The following PDE6B variants were observed in gnomAD, a reference collection of about 807,000 sequenced individuals.
PDE6B encodes rod cGMP-specific 3',5'-cyclic phosphodiesterase subunit beta.
PDE6B carries 106 observed loss-of-function variants against 109.0 expected under a neutral mutation model. The observed-to-expected ratio is 0.97, with a 90% CI of 0.83 to 1.14. PDE6B has a LOEUF of 1.14. Among genes scored for constraint, PDE6B ranks in the 50% most tolerant of loss-of-function variants. The probability of loss-of-function intolerance (pLI) is 0.00; values close to 1 mark genes in which losing one functional copy is unlikely to be tolerated. For missense variants in PDE6B, 1,193 were observed against 1,155.6 expected (o/e 1.03, Z -0.47); for synonymous variants, 490 against 471.3 (o/e 1.04, Z -0.51).
rs1736915385 is a variant in PDE6B, at chr4:660,351, C to T, written c.1468-116C>T. On this transcript the variant is annotated intron_variant, in intron 11 of 21. Coordinates refer to ENST00000496514, the MANE Select transcript of PDE6B (RefSeq NM_000283.4). Reference sequence around the variant, plus strand: ...TGGAGCGCCAGGAATGACACATCTCCTCAGAGATGCCTGAGGTGTCTGAGG... The same window carrying T: ...TGGAGCGCCAGGAATGACACATCTCTTCAGAGATGCCTGAGGTGTCTGAGG... The T allele has an allele frequency of 2.8e-6, 3 of 1,066,410 alleles. No homozygotes were observed. The East Asian group carries it at 7.1e-5, about 25-fold the overall frequency. 66.1% of individuals were successfully genotyped at this position (1,066,410 alleles called of 1,614,324 possible).
In PDE6B at chr4:666,677, C is replaced by G; in HGVS notation, c.2352+63C>G. The G allele has an allele frequency of 8.8e-7, 1 of 1,135,652 alleles. No individual in the cohort carries two copies. Among genetic ancestry groups the G allele is most frequent in the Non-Finnish European group, 1.3e-6 (1 of 745,274 alleles). 70.3% of individuals were successfully genotyped at this position (1,135,652 alleles called of 1,614,324 possible). A position where few individuals can be genotyped will look rare whatever the true frequency, so the allele number is the denominator to read the frequency against. On this transcript the variant is annotated intron_variant, in intron 20 of 21. Transcript: ENST00000496514. This position sits in a 1 kb window ranked among gnomAD's most constrained non-coding sequence, Gnocchi z 5.6. ...GGGTGGCTGGGAGCAGGCAAGGGGGCGCGGGCTGGAGTCGCGTGGACTCAC... is the reference window on the plus strand; with the variant it reads ...GGGTGGCTGGGAGCAGGCAAGGGGGGGCGGGCTGGAGTCGCGTGGACTCAC...
chr4:666,621 G>A lies in PDE6B; in HGVS notation c.2352+7G>A, dbSNP rs757618074. 6.3e-7 allele frequency: 1 copy of A among 1,594,724 alleles called. No individual in the cohort carries two copies. Among genetic ancestry groups the A allele is most frequent in the Non-Finnish European group, 8.6e-7 (1 of 1,162,616 alleles). ...GTGCACATTCGTGTACAAGGCGAGT[G>A]GTTCACGGGTGTTCCGAGCTGACTG... On this transcript the variant is annotated splice_region_variant and intron_variant, in intron 20 of 21. Coordinates refer to ENST00000496514, the MANE Select transcript of PDE6B (RefSeq NM_000283.4). The surrounding 1 kb of genome is among the most constrained non-coding windows in gnomAD (Gnocchi z 5.6).
chr4:630,355 G>T (rs1436110155), intron 1 of PDE6B, among the ~76,000 whole-genome samples: 1 of 152,170 alleles, frequency 6.6e-6, no homozygotes, highest in African/African-American at 2.4e-5. Context: ...GCACCAGCCA[G>T]GCTGGGACCA....
chr4:637,820 C>T (rs759710220), intron 3 of PDE6B, among the ~76,000 whole-genome samples: 1 of 152,226 alleles, frequency 6.6e-6, no homozygotes, highest in Non-Finnish European at 1.5e-5. Context: ...TGGTCCACGA[C>T]AGCGCGACAC....
Position 634,827 on chromosome 4 carries a change from G to C in PDE6B, c.619G>C (p.Asp207His), listed in dbSNP as rs1734567049. 6.2e-7 allele frequency: 1 copy of C among 1,613,898 alleles called. No homozygotes were observed. Among genetic ancestry groups the C allele is most frequent in the East Asian group, 2.2e-5 (1 of 44,874 alleles). ...NGPFFTSEDE[D>H]VFLKYLNFAT... ...CCCATTCTTCACCAGCGAAGACGAA[G>C]ATGTGAGTGTGGGGGGCACCTGGGC... Residue 207 changes from aspartate to histidine, a missense_variant and splice_region_variant, in exon 2 of 22, where the codon GAT becomes CAT. Physicochemically the swap from Asp to His is moderately conservative, Grantham distance 81. Coordinates refer to ENST00000496514, the MANE Select transcript of PDE6B (RefSeq NM_000283.4).
At position 663,226 on chromosome 4, in the gene PDE6B, GGGACGCAGCGTCCGCA is replaced by G. The variant is rs773147670; in HGVS notation, c.1920+45_1920+60del. The stretch of plus-strand genomic sequence containing the variant: ...CCCTCGGTTTCTGCTGTGGGCGCTG[GGGACGCAGCGTCCGCA>G]GGACGGCAGGGCCGTATCCTGCGGA... On this transcript the variant is annotated intron_variant, in intron 15 of 21. Coordinates refer to ENST00000496514, the MANE Select transcript of PDE6B (RefSeq NM_000283.4). This position sits in a 1 kb window ranked among gnomAD's most constrained non-coding sequence, Gnocchi z 4.0. The G allele has an allele frequency of 8.9e-7, 1 of 1,128,166 alleles. No homozygotes were observed. The highest frequency in any genetic ancestry group is 1.4e-6 in the Non-Finnish European group (1 of 736,448). The allele number at this position is 1,128,166 out of a possible 1,614,324, so 69.9% of individuals were successfully genotyped here.
chr4:665,330 G>T lies in PDE6B; in HGVS notation c.2268+1G>T. The T allele has an allele frequency of 6.2e-7, 1 of 1,602,150 alleles. No homozygotes were observed. The highest frequency in any genetic ancestry group is 8.5e-7 in the Non-Finnish European group (1 of 1,169,948). ...GACAGTCTTGGATCAGCAGCCCATT[G>T]TGAGTGCTGCTTCTGGAACCTTCCA... is the stretch of plus-strand genomic sequence containing the variant. On this transcript the variant is annotated splice_donor_variant, in intron 19 of 21. Transcript: ENST00000496514. LOFTEE classifies it high-confidence loss of function. This position sits in a 1 kb window ranked among gnomAD's most constrained non-coding sequence, Gnocchi z 4.0.
At chr4:664,731 G>A (rs974216718) in intron 17 of PDE6B, 150 bp from the exon 18 acceptor site, 9 of 738,066 alleles carry the variant, frequency 1.2e-5, no homozygotes, top group African/African-American at 1.0e-4. Context: ...CACAAGAATC[G>A]GGAGGCGGAG....
At chr4:667,471 G>A (rs1483357059) in intron 20 of PDE6B, among the ~76,000 whole-genome samples, 1 of 152,196 alleles carries the variant, frequency 6.6e-6, no homozygotes, top group Non-Finnish European at 1.5e-5. Context: ...CGTGTGCTGT[G>A]CTTGCATGAT....
chr4:631,797 G>A (rs1734399002), intron 1 of PDE6B, among the ~76,000 whole-genome samples: 1 of 147,744 alleles, frequency 6.8e-6, no homozygotes, highest in Non-Finnish European at 1.5e-5. Flanking sequence ...TTGTGTGTGG[G>A]ACCATCAAAG....
rs773993395 is a variant in PDE6B at position 662,101 on chromosome 4, C to G, written c.1615-33C>G. 9.2e-7 allele frequency: 1 copy of G among 1,087,458 alleles called. No individual in the cohort carries two copies. 67.4% of individuals were successfully genotyped at this position (1,087,458 alleles called of 1,614,324 possible). ...GCTCTGGCGGGACTTACACGCTTGCCGCCGGAGCCCTGTGTCCTCTCGGCT... is the reference window on the plus strand; with the variant it reads ...GCTCTGGCGGGACTTACACGCTTGCGGCCGGAGCCCTGTGTCCTCTCGGCT... On this transcript the variant is annotated intron_variant, in intron 12 of 21. Transcript: ENST00000496514. This position sits in a 1 kb window ranked among gnomAD's most constrained non-coding sequence, Gnocchi z 4.3.
rs768151222 is a variant in PDE6B at position 665,952 on chromosome 4, A to T, written c.2269-579A>T. Among the ~76,000 whole-genome samples the T allele has an allele frequency of 2.0e-5, 3 of 152,122 alleles. No individual in the cohort carries two copies. Among genetic ancestry groups the T allele is most frequent in the Non-Finnish European group, 4.4e-5 (3 of 68,004 alleles). On this transcript the variant is annotated intron_variant, in intron 19 of 21. Transcript: ENST00000496514. The surrounding 1 kb of genome is among the most constrained non-coding windows in gnomAD (Gnocchi z 4.0). ...TTAGGCCAGGTGCAGCCTCGGCAGG[A>T]AAGGGGGCATTGGTTGGTCAGCAAA...
Position 666,678 on chromosome 4 carries a change from G to A in PDE6B, c.2352+64G>A, listed in dbSNP as rs1281202837. ...GGTGGCTGGGAGCAGGCAAGGGGGC[G>A]CGGGCTGGAGTCGCGTGGACTCACA... On this transcript the variant is annotated intron_variant, in intron 20 of 21. Transcript: ENST00000496514. The surrounding 1 kb of genome is among the most constrained non-coding windows in gnomAD (Gnocchi z 5.6). 1.6e-5 allele frequency: 17 copies of A among 1,092,032 alleles called. No homozygotes were observed. The South Asian group carries it at 1.7e-4, about 11-fold the overall frequency. The allele number at this position is 1,092,032 out of a possible 1,614,324, so 67.6% of individuals were successfully genotyped here.
chr4:641,623 C>T (rs1271899560), intron 3 of PDE6B, among the ~76,000 whole-genome samples: 3 of 152,172 alleles, frequency 2.0e-5, no homozygotes, highest in Non-Finnish European at 2.9e-5. Context: ...CGCACACAGC[C>T]GTCAGAGACA....
chr4:639,435 G>C (rs1180521068), intron 3 of PDE6B, among the ~76,000 whole-genome samples: 6 of 152,156 alleles, frequency 3.9e-5, no homozygotes, highest in African/African-American at 7.2e-5. Flanking sequence ...GGCAGAGCAG[G>C]GGCTCTGCTA....
At position 625,791 on chromosome 4, in the gene PDE6B, G is replaced by C. The variant is rs770318126; in HGVS notation, c.165G>C (p.Glu55Asp). 16 of 1,613,292 alleles carry C rather than the reference G, an allele frequency of 9.9e-6. No individual in the cohort carries two copies. In the Admixed American group the frequency reaches 1.8e-4, roughly 18 times the overall value. Residue 55 changes from glutamate to aspartate, a missense_variant, in exon 1 of 22, where the codon GAG (glutamate) becomes GAC (aspartate). Glu to Asp is a conservative substitution (Grantham distance 45). Coordinates refer to ENST00000496514, the MANE Select transcript of PDE6B (RefSeq NM_000283.4). This position sits in a 1 kb window ranked among gnomAD's most constrained non-coding sequence, Gnocchi z 5.0. Reference protein sequence around the residue: ...DSLRDLCQVEESTALLELVQD... With the variant: ...DSLRDLCQVEDSTALLELVQD... ...TCCGGGACCTCTGCCAGGTGGAGGAGAGCACGGCGCTGCTGGAGCTGGTGC... is the reference window on the plus strand; with the variant it reads ...TCCGGGACCTCTGCCAGGTGGAGGACAGCACGGCGCTGCTGGAGCTGGTGC...
In PDE6B at chr4:626,551, C is replaced by T. The variant is rs73056570; in HGVS notation, c.468+457C>T. On this transcript the variant is annotated intron_variant, in intron 1 of 21. Coordinates refer to ENST00000496514, the MANE Select transcript of PDE6B (RefSeq NM_000283.4). This position sits in a 1 kb window ranked among gnomAD's most constrained non-coding sequence, Gnocchi z 4.6. ...AGGTCACAGTCGAAGGTGGTGCAGACGCCCACAGGGAGGGAGAGCCAGGGG... is the reference window on the plus strand; with the variant it reads ...AGGTCACAGTCGAAGGTGGTGCAGATGCCCACAGGGAGGGAGAGCCAGGGG... Among the ~76,000 whole-genome samples the T allele has an allele frequency of 0.019, 2,953 of 152,284 alleles. 124 individuals carry two copies. Among genetic ancestry groups the T allele is most frequent in the African/African-American group, 0.067 (2,803 of 41,550 alleles).
In PDE6B at chr4:665,439, C is replaced by T. The variant is rs970849557; in HGVS notation, c.2268+110C>T. On this transcript the variant is annotated intron_variant, in intron 19 of 21. Coordinates refer to ENST00000496514, the MANE Select transcript of PDE6B (RefSeq NM_000283.4). The surrounding 1 kb of genome is among the most constrained non-coding windows in gnomAD (Gnocchi z 4.0). ...GGTCTCAGGCAGGGGGTTCTGAGGTCGTGGGGTCCTTATCTCACTTTGTGG... is the reference window on the plus strand; with the variant it reads ...GGTCTCAGGCAGGGGGTTCTGAGGTTGTGGGGTCCTTATCTCACTTTGTGG... 4.0e-6 allele frequency: 3 copies of T among 756,522 alleles called. No individual in the cohort carries two copies. The highest frequency in any genetic ancestry group is 2.6e-5 in the East Asian group (1 of 38,312). The allele number at this position is 756,522 out of a possible 1,614,324, so 46.9% of individuals were successfully genotyped here. A position where few individuals can be genotyped will look rare whatever the true frequency, so the allele number is the denominator to read the frequency against.
Position 634,803 on chromosome 4 carries a change from C to A in PDE6B, c.595C>A (p.Pro199Thr). The change falls in exon 2 of 22, where the codon CCA (proline) becomes ACA (threonine). Residue 199 changes from proline (P) to threonine (T), a missense_variant. Physicochemically the swap from Pro to Thr is conservative, Grantham distance 38. Transcript: ENST00000496514. ...CATGGCAGTGAACAAGCTCAACGGC[C>A]CATTCTTCACCAGCGAAGACGAAGA... ...VIMAVNKLNG[P>T]FFTSEDEDVF... The A allele has an allele frequency of 6.2e-7, 1 of 1,613,944 alleles. No individual in the cohort carries two copies. Among genetic ancestry groups the A allele is most frequent in the South Asian group, 1.1e-5 (1 of 91,082 alleles).
Sources: allele counts gnomAD v4.1 joint callset (sites outside exome capture counted in the v4.1 genomes callset), GRCh38; gene constraint gnomAD v4.1.1; non-coding constraint Gnocchi (gnomAD v3.1); transcripts MANE v1.5; gene names NCBI Gene and HGNC (gene_info 2026-07-23, HGNC 2026-07-21).